The following TCF25 variants were observed in gnomAD, a reference collection of about 807,000 sequenced individuals.
The protein encoded by TCF25 is ribosome quality control complex subunit TCF25.
TCF25 carries 41 observed loss-of-function variants against 83.1 expected under a neutral mutation model. The observed-to-expected ratio is 0.49, with a 90% confidence interval of 0.38 to 0.64. The LOEUF (loss-of-function observed/expected upper bound fraction) is 0.64. Ranked by LOEUF, TCF25 falls within the 30% of genes least tolerant of loss-of-function variation. TCF25 has a pLI of 0.00. For missense variants in TCF25, 979 were observed against 914.5 expected (o/e 1.07, Z -0.91); for synonymous variants, 458 against 365.0 (o/e 1.25, Z -2.90).
At chr16:89,909,191 T>A in intron 16 of TCF25, 1 of 1,246,040 alleles carries the variant, frequency 8.0e-7, no homozygotes, top group Non-Finnish European at 1.0e-6. Flanking sequence ...CTGGCCAACA[T>A]GGCAAACCCC....
intron 5 of TCF25, among the ~76,000 whole-genome samples, chr16:89,888,840 A>AT (rs34444102): frequency 0.035 from 3,875 of 109,860 alleles, 241 homozygotes; most frequent in African/African-American, 0.096. Flanking sequence ...CGCCCAGCTA[A>AT]TTTTTTTTTT....
At chr16:89,904,681 C>T in intron 13 of TCF25, 1 of 615,646 alleles carries the variant, frequency 1.6e-6, no homozygotes, top group Non-Finnish European at 3.0e-6. Context: ...GCAGATGGAC[C>T]CGCCCTGGGT....
chr16:89,910,958 G>C (rs2045504243), intron 17 of TCF25, 122 bp from the exon 18 acceptor site: 1 of 1,343,950 alleles, frequency 7.4e-7, no homozygotes, highest in African/African-American at 1.5e-5. Context: ...GACCTGGGGA[G>C]GGTTCAGGGT....
intron 11 of TCF25, 21 bp from the exon 12 acceptor site, chr16:89,900,614 C>G (rs146728852): frequency 6.4e-7 from 1 of 1,564,710 alleles, no homozygotes; most frequent in African/African-American, 1.4e-5. Context: ...GCTCCACGCT[C>G]TGTTTCTTCG....
intron 9 of TCF25, among the ~76,000 whole-genome samples, chr16:89,896,586 C>T (rs1426831566): frequency 2.1e-5 from 3 of 144,820 alleles, no homozygotes; most frequent in African/African-American, 7.8e-5. Flanking sequence ...CGGAGTCTCA[C>T]TCTGTCACCC....
rs186514766 is a variant in TCF25 at position 89,898,611 on chromosome 16, C to T, written c.1077C>T (p.Cys359=). The change falls in exon 10 of 18, where the codon TGC becomes TGT. Residue 359 remains cysteine (C), a synonymous_variant. Coordinates refer to ENST00000263346, the MANE Select transcript of TCF25 (RefSeq NM_014972.3). The part of the protein sequence containing the change: ...KQMSFLEKRG[C]PRTALEYCKL... ...TGAGCTTCCTGGAGAAGCGAGGCTG[C>T]CCGCGCACGGCGCTGGAGTACTGCA... 43 of 1,612,436 alleles carry T rather than the reference C, an allele frequency of 2.7e-5. No homozygotes were observed. In the East Asian group the frequency reaches 9.1e-4, roughly 34 times the overall value.
chr16:89,894,391 C>T (rs940482101), intron 7 of TCF25, among the ~76,000 whole-genome samples: 1 of 151,936 alleles, frequency 6.6e-6, no homozygotes, highest in East Asian at 1.9e-4. Flanking sequence ...CCCAGACAGC[C>T]CCCGGGCGGC....
intron 13 of TCF25, 47 bp from the exon 14 acceptor site, chr16:89,904,891 C>T: frequency 6.3e-7 from 1 of 1,576,704 alleles, no homozygotes; most frequent in Non-Finnish European, 8.6e-7. Context: ...TCGAGGCAGG[C>T]TGTGGTCTGA....
Position 89,893,823 on chromosome 16 carries a change from G to T in TCF25, c.793G>T (p.Val265Leu), listed in dbSNP as rs1238110805. Reference sequence around the variant, plus strand: ...CCAGCAGGCTCAGCACAAGTTCCTGGTGGCCGTGGAGTCTATGGAGCCGAA... The same window carrying T: ...CCAGCAGGCTCAGCACAAGTTCCTGTTGGCCGTGGAGTCTATGGAGCCGAA... The part of the protein sequence containing the change: ...EYQQAQHKFL[V>L]AVESMEPNNI... Residue 265 changes from valine to leucine, a missense_variant, in exon 7 of 18, where the codon GTG becomes TTG. Coordinates refer to ENST00000263346, the MANE Select transcript of TCF25 (RefSeq NM_014972.3). The T allele has an allele frequency of 1.2e-6, 2 of 1,611,428 alleles. No homozygotes were observed. Among genetic ancestry groups the T allele is most frequent in the Admixed American group, 1.7e-5 (1 of 59,762 alleles).
At chr16:89,883,142 T>C (rs571156364) in intron 1 of TCF25, among the ~76,000 whole-genome samples, 2 of 150,886 alleles carry the variant, frequency 1.3e-5, no homozygotes, top group East Asian at 2.0e-4. Context: ...CCCGGCTTTC[T>C]GTAGAGCTGC....
chr16:89,904,089 C>A, intron 12 of TCF25, 29 bp from the exon 13 acceptor site: 6 of 1,589,350 alleles, frequency 3.8e-6, no homozygotes, highest in Non-Finnish European at 5.1e-6. Context: ...GTGCTGAGGG[C>A]CCCCACAGAG....
At chr16:89,885,502 G>A (rs1375341353) in intron 3 of TCF25, among the ~76,000 whole-genome samples, 2 of 152,118 alleles carry the variant, frequency 1.3e-5, no homozygotes, top group Non-Finnish European at 2.9e-5. Context: ...CTTCGTCCTC[G>A]TCTGACTGTG....
chr16:89,873,935 C>T lies in TCF25; in HGVS notation c.192+76C>T, dbSNP rs537013960. ...GGGCGGGGCGAGCGTCCAGCCGGGT[C>T]GGGGAGCGGGGTTGTGATGCCAGGG... On this transcript the variant is annotated intron_variant, in intron 1 of 17. Transcript: ENST00000263346. The T allele has an allele frequency of 3.2e-4, 358 of 1,129,476 alleles. 2 individuals carry two copies. The African/African-American group carries it at 6.0e-3, about 19-fold the overall frequency. 70.0% of individuals were successfully genotyped at this position (1,129,476 alleles called of 1,614,324 possible). A position where few individuals can be genotyped will look rare whatever the true frequency, so the allele number is the denominator to read the frequency against.
At chr16:89,895,430 T>C (rs377269644) in intron 8 of TCF25, among the ~76,000 whole-genome samples, 1 of 152,098 alleles carries the variant, frequency 6.6e-6, no homozygotes, top group African/African-American at 2.4e-5. Context: ...ATGGTCTCGA[T>C]CTCCTGACCT....
At chr16:89,893,697 C>A in intron 6 of TCF25, 31 bp from the exon 7 acceptor site, 1 of 1,613,030 alleles carries the variant, frequency 6.2e-7, no homozygotes, top group East Asian at 2.2e-5. Flanking sequence ...CTGCTCCCGG[C>A]ACACCCTCCC....
At chr16:89,896,808 C>T (rs2043894637) in intron 9 of TCF25, among the ~76,000 whole-genome samples, 1 of 152,070 alleles carries the variant, frequency 6.6e-6, no homozygotes, top group African/African-American at 2.4e-5. Flanking sequence ...CCCGCCTCGG[C>T]CTTCCAAAAT....
intron 3 of TCF25, among the ~76,000 whole-genome samples, chr16:89,885,462 A>G (rs1409383671): frequency 2.6e-5 from 4 of 152,212 alleles, no homozygotes. Flanking sequence ...CTAGTCTGTC[A>G]TCAGAAAAAA....
At chr16:89,894,134 C>T (rs185059355) in intron 7 of TCF25, among the ~76,000 whole-genome samples, 110 of 152,326 alleles carry the variant, frequency 7.2e-4, no homozygotes, top group African/African-American at 2.5e-3. Flanking sequence ...CCGTGTGATG[C>T]AGGCCCAGGA....
chr16:89,905,380 G>A (rs1302788390), intron 14 of TCF25, among the ~76,000 whole-genome samples: 1 of 152,196 alleles, frequency 6.6e-6, no homozygotes, highest in African/African-American at 2.4e-5. Flanking sequence ...CACATGAGCT[G>A]TGAGATGATG....
Sources: gnomAD v4.1 joint callset for allele counts (sites outside exome capture counted in the v4.1 genomes callset) on GRCh38, gnomAD v4.1.1 for gene constraint, MANE v1.5 for transcripts, NCBI Gene and HGNC (gene_info 2026-07-23, HGNC 2026-07-21) for gene names.